Variants in KLHL36 observed in about 807,000 individuals in gnomAD.
KLHL36 encodes the protein kelch-like protein 36.
Under a neutral mutation model 53.3 loss-of-function variants are expected in KLHL36, and 35 were observed. That is an observed-to-expected ratio of 0.66 (90% CI 0.50 to 0.87). The LOEUF is 0.87. Ranked by LOEUF, KLHL36 falls within the 40% of genes least tolerant of loss-of-function variation. The probability of loss-of-function intolerance (pLI) is 0.00; values close to 1 mark genes in which losing one functional copy is unlikely to be tolerated. For missense variants in KLHL36, 864 were observed against 897.6 expected (o/e 0.96, Z 0.48); for synonymous variants, 472 against 398.9 (o/e 1.18, Z -2.18).
intron 2 of KLHL36, among the ~76,000 whole-genome samples, chr16:84,654,399 G>C (rs1907081005): frequency 6.6e-6 from 1 of 152,168 alleles, no homozygotes; most frequent in Non-Finnish European, 1.5e-5. Context: ...TGTAATCCCA[G>C]CACATTGGGA....
In KLHL36 at chr16:84,657,908, T is replaced by C; in HGVS notation, c.1101T>C (p.Leu367=). The change falls in exon 3 of 5, where the codon CTT becomes CTC. Residue 367 remains leucine, a synonymous_variant. Coordinates refer to ENST00000564996, the MANE Select transcript of KLHL36 (RefSeq NM_024731.4). ...GAGGGGATGCGGCCTCCAATCTTCT[T>C]TATAGGTATGACCCCCGCTGTAAAC... ...DNGGDAASNL[L]YRYDPRCKQW... The C allele has an allele frequency of 1.3e-6, 2 of 1,545,242 alleles. No individual in the cohort carries two copies. Among genetic ancestry groups the C allele is most frequent in the African/African-American group, 1.4e-5 (1 of 72,742 alleles).
rs2150732634 is a variant in KLHL36, at chr16:84,665,970, C to T, written c.*3837C>T. The T allele has an allele frequency of 6.6e-6, 1 of 152,336 alleles. No individual in the cohort carries two copies. The highest frequency in any genetic ancestry group is 3.4e-3 in the Middle Eastern group (1 of 294). The allele number at this position is 152,336 out of a possible 1,614,324, so 9.4% of individuals were successfully genotyped here. On this transcript the variant is annotated 3_prime_UTR_variant, in exon 5 of 5. Transcript: ENST00000564996. ...TCAGAGCCCGTGGTTGGAACCCCGT[C>T]CACTGGTCCCAAACCTGGAGGGGCA...
At chr16:84,652,398 G>A (rs1050961677) in intron 2 of KLHL36, among the ~76,000 whole-genome samples, 35 of 152,032 alleles carry the variant, frequency 2.3e-4, no homozygotes, top group Admixed American at 1.8e-3. Flanking sequence ...AGCCTCCTGA[G>A]GAGCTGGGAA....
rs770097199 is a variant in KLHL36, at chr16:84,657,480, G to T, written c.673G>T (p.Glu225Ter). 1.2e-6 allele frequency: 2 copies of T among 1,607,462 alleles called. No individual in the cohort carries two copies. Among genetic ancestry groups the T allele is most frequent in the Non-Finnish European group, 8.5e-7 (1 of 1,179,864 alleles). Residue 225 changes from glutamate (E) to a stop codon, truncating the protein, a stop_gained, in exon 3 of 5, where the codon GAG becomes TAG. Coordinates refer to ENST00000564996, the MANE Select transcript of KLHL36 (RefSeq NM_024731.4). LOFTEE classifies it high-confidence loss of function. Reference protein sequence around the residue: ...LQWLTQQPEREAHARQVLENI... With the variant: ...LQWLTQQPER The stretch of plus-strand genomic sequence containing the variant: ...GTGGCTGACGCAGCAGCCCGAGCGC[G>T]AGGCCCACGCCCGCCAGGTGCTGGA...
At position 84,661,970 on chromosome 16, in the gene KLHL36, AGACCGTGCAGGTGTAC is replaced by A. The variant is rs754900527; in HGVS notation, c.1694_1709del (p.Val565AlafsTer72). The stretch of plus-strand genomic sequence containing the variant: ...AGCTGGGAGAACACTGCCTTCTCCA[AGACCGTGCAGGTGTAC>A]GACCGCGAGGCCGACAAGTGGAGCA... On this transcript the variant is annotated frameshift_variant, in exon 5 of 5. Transcript: ENST00000564996. LOFTEE classifies it high-confidence loss of function. This position sits in a 1 kb window ranked among gnomAD's most constrained non-coding sequence, Gnocchi z 7.9. 1 of 1,599,314 alleles carries A rather than the reference AGACCGTGCAGGTGTAC, an allele frequency of 6.3e-7. No individual in the cohort carries two copies. Among genetic ancestry groups the A allele is most frequent in the East Asian group, 2.3e-5 (1 of 44,324 alleles).
chr16:84,654,397 C>A (rs913258511), intron 2 of KLHL36, among the ~76,000 whole-genome samples: 2 of 152,136 alleles, frequency 1.3e-5, no homozygotes, highest in African/African-American at 2.4e-5. Context: ...CCTGTAATCC[C>A]AGCACATTGG....
At chr16:84,658,052 C>T in intron 3 of KLHL36, 108 bp downstream of exon 3, 1 of 818,836 alleles carries the variant, frequency 1.2e-6, no homozygotes, top group South Asian at 2.1e-5. Flanking sequence ...TATCCTGCTT[C>T]TGAATGAGGT....
rs1907522420 is a variant in KLHL36, at chr16:84,661,187, GGACTGTATGTCGTATTTCCTCTTT to G, written c.1296-388_1296-365del. The stretch of plus-strand genomic sequence containing the variant: ...CCCGAGTGCCAGCACAGTTAGAATT[GGACTGTATGTCGTATTTCCTCTTT>G]GATGTGTGATTCATCGGGTGCATGT... On this transcript the variant is annotated intron_variant, in intron 4 of 4. Transcript: ENST00000564996. This position sits in a 1 kb window ranked among gnomAD's most constrained non-coding sequence, Gnocchi z 7.9. Among the ~76,000 whole-genome samples the G allele has an allele frequency of 6.6e-6, 1 of 152,154 alleles. No individual in the cohort carries two copies. Among genetic ancestry groups the G allele is most frequent in the East Asian group, 1.9e-4 (1 of 5,196 alleles).
intron 1 of KLHL36, chr16:84,649,072 G>C (rs1906653743): frequency 6.6e-6 from 1 of 152,264 alleles, no homozygotes; most frequent in Non-Finnish European, 1.5e-5. Context: ...CTGAGGTCGG[G>C]AGGGAGCTTG....
chr16:84,649,809 G>C (rs1401287072), intron 1 of KLHL36, among the ~76,000 whole-genome samples: 3 of 152,286 alleles, frequency 2.0e-5, no homozygotes, highest in African/African-American at 7.2e-5. Flanking sequence ...AAGACTATTT[G>C]TTCAATAGGT....
In KLHL36 at chr16:84,662,268, C is replaced by T; in HGVS notation, c.*135C>T. On this transcript the variant is annotated 3_prime_UTR_variant, in exon 5 of 5. Transcript: ENST00000564996. Reference sequence around the variant, plus strand: ...TTTACTTTTATGATTCTTGGTATTTCTATGATATCACAGTAACCAATTAAA... The same window carrying T: ...TTTACTTTTATGATTCTTGGTATTTTTATGATATCACAGTAACCAATTAAA... The T allele has an allele frequency of 1.3e-6, 1 of 782,508 alleles. No individual in the cohort carries two copies. The highest frequency in any genetic ancestry group is 2.0e-6 in the Non-Finnish European group (1 of 506,588). 48.5% of individuals were successfully genotyped at this position (782,508 alleles called of 1,614,324 possible). A position where few individuals can be genotyped will look rare whatever the true frequency, so the allele number is the denominator to read the frequency against.
rs1907784913 is a variant in KLHL36 at position 84,665,462 on chromosome 16, T to C, written c.*3329T>C. The C allele has an allele frequency of 6.6e-6, 1 of 152,238 alleles. No individual in the cohort carries two copies. The highest frequency in any genetic ancestry group is 6.5e-5 in the Admixed American group (1 of 15,284). 9.4% of individuals were successfully genotyped at this position (152,238 alleles called of 1,614,324 possible). ...AAAGCTGATGAACCCTTGTTACTTA[T>C]AGCAAACTTCCTGCTGTTTTAAATG... On this transcript the variant is annotated 3_prime_UTR_variant, in exon 5 of 5. Transcript: ENST00000564996.
rs1907702868 is a variant in KLHL36, at chr16:84,664,003, A to T, written c.*1870A>T. Reference sequence around the variant, plus strand: ...GAGGCATACAAACAAACAGACCAAAAGGCTGGAAACTCTGCTTGGAGCTCT... The same window carrying T: ...GAGGCATACAAACAAACAGACCAAATGGCTGGAAACTCTGCTTGGAGCTCT... On this transcript the variant is annotated 3_prime_UTR_variant, in exon 5 of 5. Transcript: ENST00000564996. The T allele has an allele frequency of 6.6e-6, 1 of 152,340 alleles. No individual in the cohort carries two copies. The highest frequency in any genetic ancestry group is 3.4e-3 in the Middle Eastern group (1 of 294). 9.4% of individuals were successfully genotyped at this position (152,340 alleles called of 1,614,324 possible). A position where few individuals can be genotyped will look rare whatever the true frequency, so the allele number is the denominator to read the frequency against.
rs184276865 is a variant in KLHL36, at chr16:84,655,433, C to G, written c.64-1438C>G. ...GTCCCTGCAAATTATAAAAATCAGA[C>G]AGGCGTGGTAGCGTGTGCCTGTAGT... is the stretch of plus-strand genomic sequence containing the variant. On this transcript the variant is annotated intron_variant, in intron 2 of 4. Coordinates refer to ENST00000564996, the MANE Select transcript of KLHL36 (RefSeq NM_024731.4). Among the ~76,000 whole-genome samples, 254 of 152,316 alleles carry G rather than the reference C, an allele frequency of 1.7e-3. 1 individual carries two copies. The highest frequency in any genetic ancestry group is 5.8e-3 in the African/African-American group (243 of 41,570).
Position 84,666,415 on chromosome 16 carries a change from C to G in KLHL36, c.*4282C>G, listed in dbSNP as rs1424210118. The stretch of plus-strand genomic sequence containing the variant: ...AGTTGCATGCAGCCCGTGGGTATGA[C>G]TGTCTCAGGCCCCCAGCTCATTTGC... On this transcript the variant is annotated 3_prime_UTR_variant, in exon 5 of 5. Coordinates refer to ENST00000564996, the MANE Select transcript of KLHL36 (RefSeq NM_024731.4). 6.6e-6 allele frequency: 1 copy of G among 152,158 alleles called. No individual in the cohort carries two copies. The highest frequency in any genetic ancestry group is 1.5e-5 in the Non-Finnish European group (1 of 68,060). 9.4% of individuals were successfully genotyped at this position (152,158 alleles called of 1,614,324 possible).
chr16:84,661,536 A>G lies in KLHL36; in HGVS notation c.1296-42A>G, dbSNP rs1412457567. The G allele has an allele frequency of 6.5e-7, 1 of 1,530,590 alleles. No individual in the cohort carries two copies. The highest frequency in any genetic ancestry group is 2.3e-5 in the East Asian group (1 of 44,004). The allele number at this position is 1,530,590 out of a possible 1,614,324, so 94.8% of individuals were successfully genotyped here. On this transcript the variant is annotated intron_variant, in intron 4 of 4. Coordinates refer to ENST00000564996, the MANE Select transcript of KLHL36 (RefSeq NM_024731.4). This position sits in a 1 kb window ranked among gnomAD's most constrained non-coding sequence, Gnocchi z 7.9. The stretch of plus-strand genomic sequence containing the variant: ...GGCTCGGAGGGGGTAAGCCTGGCAC[A>G]GCCCTGAGCTCTCCCTCTGTCTCTG...
At position 84,666,522 on chromosome 16, in the gene KLHL36, C is replaced by T. The variant is rs971169055; in HGVS notation, c.*4389C>T. 1 of 152,204 alleles carries T rather than the reference C, an allele frequency of 6.6e-6. No homozygotes were observed. Among genetic ancestry groups the T allele is most frequent in the East Asian group, 1.9e-4 (1 of 5,194 alleles). The allele number at this position is 152,204 out of a possible 1,614,324, so 9.4% of individuals were successfully genotyped here. On this transcript the variant is annotated 3_prime_UTR_variant, in exon 5 of 5. Coordinates refer to ENST00000564996, the MANE Select transcript of KLHL36 (RefSeq NM_024731.4). ...TCAGTGGTGTGCACAGAGTTGGAGA[C>T]ACCTGAGGGCTGGTCCACGTCTCAC... is the stretch of plus-strand genomic sequence containing the variant.
intron 2 of KLHL36, among the ~76,000 whole-genome samples, chr16:84,651,639 T>G (rs566808855): frequency 6.6e-6 from 1 of 152,290 alleles, no homozygotes; most frequent in East Asian, 1.9e-4. Flanking sequence ...GGTATCCCTT[T>G]TGGAGATTAA....
At position 84,661,508 on chromosome 16, in the gene KLHL36, C is replaced by T. The variant is rs1907543409; in HGVS notation, c.1296-70C>T. The T allele has an allele frequency of 3.4e-6, 5 of 1,467,572 alleles. No individual in the cohort carries two copies. Among genetic ancestry groups the T allele is most frequent in the South Asian group, 1.3e-5 (1 of 76,660 alleles). 90.9% of individuals were successfully genotyped at this position (1,467,572 alleles called of 1,614,324 possible). A position where few individuals can be genotyped will look rare whatever the true frequency, so the allele number is the denominator to read the frequency against. On this transcript the variant is annotated intron_variant, in intron 4 of 4. Transcript: ENST00000564996. The surrounding 1 kb of genome is among the most constrained non-coding windows in gnomAD (Gnocchi z 7.9). ...GGCCCTCTAAGACGGCAGGCTGTTC[C>T]CCGGCTCGGAGGGGGTAAGCCTGGC... is the stretch of plus-strand genomic sequence containing the variant.
Sources: gnomAD v4.1 joint callset for allele counts (sites outside exome capture counted in the v4.1 genomes callset) on GRCh38, gnomAD v4.1.1 for gene constraint, Gnocchi (gnomAD v3.1) non-coding constraint, MANE v1.5 for transcripts, NCBI Gene and HGNC (gene_info 2026-07-23, HGNC 2026-07-21) for gene names.